The following PLCH1 variants were observed in gnomAD, a reference collection of about 807,000 sequenced individuals.
PLCH1 encodes 1-phosphatidylinositol 4,5-bisphosphate phosphodiesterase eta-1.
A neutral mutation model predicts 126.7 loss-of-function variants in PLCH1; 60 were observed. That is an observed-to-expected ratio of 0.47 (90% CI 0.38 to 0.59). PLCH1 has a LOEUF of 0.59. Among genes scored for constraint, PLCH1 ranks in the 20% least tolerant of loss-of-function variants. The pLI, the probability that PLCH1 is intolerant of heterozygous loss-of-function variation, is 0.00. For missense variants in PLCH1, 1,723 were observed against 2,040.0 expected (o/e 0.84, Z 2.99); for synonymous variants, 719 against 734.9 (o/e 0.98, Z 0.35).
intron 14 of PLCH1, among the ~76,000 whole-genome samples, chr3:155,498,067 T>G (rs1717329006): frequency 6.6e-6 from 1 of 152,140 alleles, no homozygotes. Flanking sequence ...TCTTGTGAGG[T>G]CCTGCTCCGT....
rs115788498 is a variant in PLCH1, at chr3:155,462,380, T to A, written c.2938+22976A>T. ...TAAGCAGCTGACTACTGACTGAAGA[T>A]GTGGGAAATAAGAATAGGTGAGAGA... On this transcript the variant is annotated intron_variant, in intron 21 of 21. Transcript: ENST00000494598. Among the ~76,000 whole-genome samples the A allele has an allele frequency of 6.7e-3, 1,014 of 152,208 alleles. 8 individuals are homozygous for A. Among genetic ancestry groups the A allele is most frequent in the African/African-American group, 0.023 (968 of 41,510 alleles).
chr3:155,469,897 A>C (rs1370600290), intron 21 of PLCH1, among the ~76,000 whole-genome samples: 1 of 152,132 alleles, frequency 6.6e-6, no homozygotes, highest in Admixed American at 6.5e-5. Flanking sequence ...AACAAACAGA[A>C]AGGACATCCA....
chr3:155,695,652 G>A (rs187398776), intron 2 of PLCH1, among the ~76,000 whole-genome samples: 2 of 152,234 alleles, frequency 1.3e-5, no homozygotes, highest in South Asian at 4.1e-4. Flanking sequence ...AGACAGAAAT[G>A]AAAGTAGTAA....
intron 21 of PLCH1, among the ~76,000 whole-genome samples, chr3:155,463,605 C>T (rs1712810741): frequency 6.6e-6 from 1 of 152,160 alleles, no homozygotes; most frequent in African/African-American, 2.4e-5. Flanking sequence ...GTGGGGGTAA[C>T]ATCATCTCCT....
intron 10 of PLCH1, among the ~76,000 whole-genome samples, chr3:155,542,165 T>C (rs1381257557): frequency 1.3e-5 from 2 of 152,052 alleles, no homozygotes; most frequent in African/African-American, 4.8e-5. Context: ...ACCTGGAAAA[T>C]CGGGTCACTC....
intron 21 of PLCH1, among the ~76,000 whole-genome samples, chr3:155,472,500 C>T (rs1437987951): frequency 1.3e-5 from 2 of 150,612 alleles, no homozygotes; most frequent in African/African-American, 2.4e-5. Flanking sequence ...ACCAGAGGTA[C>T]AAGGAGGAAC....
rs184499671 is a variant in PLCH1 at position 155,679,754 on chromosome 3, T to C, written c.79+24392A>G. On this transcript the variant is annotated intron_variant, in intron 2 of 22. Coordinates refer to ENST00000460012, the MANE Select transcript of PLCH1 (RefSeq NM_014996.4). ...AGCTACCATTTACCAGACACCACTA[T>C]GCAAATATTATCTTCCCTAATCTTC... Among the ~76,000 whole-genome samples the C allele has an allele frequency of 2.0e-4, 31 of 152,298 alleles. No individual in the cohort carries two copies. The East Asian group carries it at 5.8e-3, about 28-fold the overall frequency.
chr3:155,701,579 A>T (rs1291160947), intron 2 of PLCH1, among the ~76,000 whole-genome samples: 1 of 152,220 alleles, frequency 6.6e-6, no homozygotes, highest in East Asian at 1.9e-4. Context: ...TTGTTATGTA[A>T]GGAGAGTTAT....
chr3:155,494,590 T>C, intron 15 of PLCH1, 73 bp from the exon 16 acceptor site: 1 of 1,218,252 alleles, frequency 8.2e-7, no homozygotes, highest in Non-Finnish European at 1.2e-6. Flanking sequence ...GAAGACTTTA[T>C]AATAATGTCA....
chr3:155,539,496 C>A (rs1411320033), intron 10 of PLCH1, among the ~76,000 whole-genome samples: 1 of 152,006 alleles, frequency 6.6e-6, no homozygotes, highest in African/African-American at 2.4e-5. Flanking sequence ...GGTTGTATAC[C>A]TAGAAAACCC....
At chr3:155,704,882 T>C (rs746162048) in intron 1 of PLCH1, among the ~76,000 whole-genome samples, 2 of 152,174 alleles carry the variant, frequency 1.3e-5, no homozygotes, top group Non-Finnish European at 2.9e-5. Context: ...CAGTGCCTGC[T>C]CCTACATAAG....
At chr3:155,544,532 C>T (rs180916325) in intron 10 of PLCH1, among the ~76,000 whole-genome samples, 1 of 152,106 alleles carries the variant, frequency 6.6e-6, no homozygotes, top group Non-Finnish European at 1.5e-5. Context: ...CTGCACCAAG[C>T]GGACCTAATA....
chr3:155,733,026 A>T (rs932617740), intron 1 of PLCH1, among the ~76,000 whole-genome samples: 1 of 152,194 alleles, frequency 6.6e-6, no homozygotes, highest in South Asian at 2.1e-4. Flanking sequence ...AAAAACTTGC[A>T]TACTGAAAAC....
chr3:155,546,905 C>T (rs74581809), intron 10 of PLCH1, among the ~76,000 whole-genome samples: 63,638 of 124,726 alleles, frequency 0.51, 20,120 homozygotes, highest in Non-Finnish European at 0.72. Context: ...GGATTAAAGA[C>T]TTAAACGTTA....
intron 2 of PLCH1, among the ~76,000 whole-genome samples, chr3:155,659,655 T>C (rs1741900138): frequency 6.6e-6 from 1 of 151,802 alleles, no homozygotes; most frequent in African/African-American, 2.4e-5. Context: ...CCCACCACCA[T>C]GCCCAGCTAA....
At chr3:155,741,685 T>TTTTATTTTTTTTTATTTTTA (rs1491520986) in intron 1 of PLCH1, among the ~76,000 whole-genome samples, 1 of 57,326 alleles carries the variant, frequency 1.7e-5, no homozygotes, top group Admixed American at 2.2e-4. Flanking sequence ...TTATATCCTC[T>TTTTATTTTTTTTTATTTTTA]TTTTTTTTTT....
At chr3:155,731,220 CT>C (rs1210767384) in intron 1 of PLCH1, among the ~76,000 whole-genome samples, 3 of 152,220 alleles carry the variant, frequency 2.0e-5, no homozygotes, top group Non-Finnish European at 4.4e-5. Flanking sequence ...TGGACTTAGG[CT>C]CCAGGCCCAT....
At chr3:155,503,446 A>G (rs914101056) in intron 13 of PLCH1, among the ~76,000 whole-genome samples, 13 of 151,882 alleles carry the variant, frequency 8.6e-5, no homozygotes, top group Non-Finnish European at 1.9e-4. Flanking sequence ...TGAATACACC[A>G]CAATTTTTAC....
At chr3:155,666,983 T>C (rs925414173) in intron 2 of PLCH1, among the ~76,000 whole-genome samples, 1 of 151,936 alleles carries the variant, frequency 6.6e-6, no homozygotes, top group Non-Finnish European at 1.5e-5. Flanking sequence ...TATTAGGACA[T>C]ATATTCCAAG....
Sources: gnomAD v4.1 joint callset for allele counts (sites outside exome capture counted in the v4.1 genomes callset) on GRCh38, gnomAD v4.1.1 for gene constraint, MANE v1.5 for transcripts, NCBI Gene and HGNC (gene_info 2026-07-23, HGNC 2026-07-21) for gene names.